APBA2: variants seen among roughly 807,000 people sequenced by gnomAD.
APBA2 encodes the protein amyloid-beta A4 precursor protein-binding family A member 2.
Under a neutral mutation model 75.0 loss-of-function variants are expected in APBA2, and 30 were observed. That is an observed-to-expected ratio of 0.40 (90% confidence interval 0.30 to 0.54). APBA2 has a LOEUF of 0.54. APBA2 is among the 20% of genes least tolerant of loss of function. The probability of loss-of-function intolerance (pLI) is 0.49; values close to 1 mark genes in which losing one functional copy is unlikely to be tolerated. For missense variants in APBA2, 801 were observed against 1,016.1 expected (o/e 0.79, Z 2.88); for synonymous variants, 444 against 409.6 (o/e 1.08, Z -1.01).
chr15:28,893,433 C>CGATTT (rs2032265862), intron 1 of APBA2, among the ~76,000 whole-genome samples: 1 of 152,140 alleles, frequency 6.6e-6, no homozygotes, highest in South Asian at 2.1e-4. Context: ...ATGAATGGAC[C>CGATTT]GATTTTGGCC....
At chr15:29,031,853 ACT>A (rs1448464927) in intron 3 of APBA2, among the ~76,000 whole-genome samples, 2 of 152,184 alleles carry the variant, frequency 1.3e-5, no homozygotes, top group Non-Finnish European at 2.9e-5. Context: ...CCAAGTCCCC[ACT>A]CAACCCAGGA....
chr15:29,099,029 C>G (rs1331938250), intron 9 of APBA2, among the ~76,000 whole-genome samples: 1 of 152,162 alleles, frequency 6.6e-6, no homozygotes, highest in African/African-American at 2.4e-5. Flanking sequence ...CACCTTGTCC[C>G]ACTGATCTTT....
intron 8 of APBA2, among the ~76,000 whole-genome samples, chr15:29,097,662 TG>T (rs2043916700): frequency 6.6e-6 from 1 of 152,260 alleles, no homozygotes; most frequent in Admixed American, 6.5e-5. Context: ...TTTTAATTTT[TG>T]TAATGAGAAC....
chr15:29,054,525 G>T lies in APBA2; in HGVS notation c.641G>T (p.Arg214Leu), dbSNP rs201991863. ...NTGASPYRLR[R>L]GDGDLEDQEE... ...GGCGCCTCCCCCTACCGCCTGAGGC[G>T]TGGGGATGGGGACCTGGAGGACCAG... The change falls in exon 4 of 15, where the codon CGT becomes CTT. Residue 214 changes from arginine to leucine, a missense_variant. Transcript: ENST00000683413. The surrounding 1 kb of genome is among the most constrained non-coding windows in gnomAD (Gnocchi z 6.1). The T allele has an allele frequency of 1.2e-6, 2 of 1,613,356 alleles. No individual in the cohort carries two copies. The highest frequency in any genetic ancestry group is 1.3e-5 in the African/African-American group (1 of 74,944).
chr15:28,941,442 A>G (rs975048384), intron 2 of APBA2, among the ~76,000 whole-genome samples: 1 of 151,988 alleles, frequency 6.6e-6, no homozygotes, highest in Admixed American at 6.6e-5. Context: ...CTGGCCATCA[A>G]AAGCCAAACC....
At chr15:28,939,367 A>G (rs2152701837) in intron 2 of APBA2, among the ~76,000 whole-genome samples, 1 of 152,258 alleles carries the variant, frequency 6.6e-6, no homozygotes, top group East Asian at 1.9e-4. Flanking sequence ...CTTTTGGGAT[A>G]TACCCAGAAG....
At chr15:29,028,303 C>G (rs368531546) in intron 3 of APBA2, among the ~76,000 whole-genome samples, 6 of 152,242 alleles carry the variant, frequency 3.9e-5, no homozygotes, top group Admixed American at 1.3e-4. Flanking sequence ...GCTTCCAGTT[C>G]CATCCATGTT....
intron 2 of APBA2, among the ~76,000 whole-genome samples, chr15:28,984,808 C>T (rs529847286): frequency 7.3e-5 from 11 of 150,676 alleles, no homozygotes; most frequent in African/African-American, 2.7e-4. Context: ...CTCGCTCTCT[C>T]TCCCCCCTCC....
At chr15:28,895,037 A>G (rs2032384837) in intron 1 of APBA2, among the ~76,000 whole-genome samples, 1 of 152,152 alleles carries the variant, frequency 6.6e-6, no homozygotes, top group African/African-American at 2.4e-5. Flanking sequence ...AGGACGTTTA[A>G]TTTTACCCTT....
intron 3 of APBA2, among the ~76,000 whole-genome samples, chr15:29,038,640 A>G (rs1434697702): frequency 7.9e-6 from 1 of 126,482 alleles, no homozygotes; most frequent in Non-Finnish European, 1.7e-5. Context: ...CCCACTTCCT[A>G]TTTGGCTCTG....
intron 2 of APBA2, among the ~76,000 whole-genome samples, chr15:28,960,572 G>C (rs1023203273): frequency 6.6e-6 from 1 of 151,930 alleles, no homozygotes; most frequent in Non-Finnish European, 1.5e-5. Flanking sequence ...GGTGGTCTGC[G>C]GGGGGCAGAT....
intron 2 of APBA2, among the ~76,000 whole-genome samples, chr15:28,987,848 C>T (rs2038012668): frequency 6.7e-6 from 1 of 150,178 alleles, no homozygotes; most frequent in Non-Finnish European, 1.5e-5. Context: ...CCTCCGCCTG[C>T]CAGGTTCAAG....
At chr15:29,107,066 T>C (rs757036119) in intron 12 of APBA2, among the ~76,000 whole-genome samples, 9 of 152,310 alleles carry the variant, frequency 5.9e-5, no homozygotes, top group Non-Finnish European at 1.0e-4. Flanking sequence ...GTCTGAGCCC[T>C]GTACCGAGCC....
chr15:28,963,461 T>A (rs1209015706), intron 2 of APBA2, among the ~76,000 whole-genome samples: 1 of 152,172 alleles, frequency 6.6e-6, no homozygotes, highest in Non-Finnish European at 1.5e-5. Context: ...AGTGGAGGAC[T>A]GATGAGAACC....
At chr15:29,061,480 C>G (rs2042126828) in intron 4 of APBA2, among the ~76,000 whole-genome samples, 1 of 152,132 alleles carries the variant, frequency 6.6e-6, no homozygotes, top group African/African-American at 2.4e-5. Context: ...TCTGTTTATC[C>G]CTGACCCAGC....
intron 8 of APBA2, among the ~76,000 whole-genome samples, chr15:29,097,406 G>A (rs2043901949): frequency 6.6e-6 from 1 of 152,210 alleles, no homozygotes. Context: ...AGACTGCCTC[G>A]AGAACTCACA....
At chr15:28,963,406 C>T (rs1438064017) in intron 2 of APBA2, among the ~76,000 whole-genome samples, 1 of 152,192 alleles carries the variant, frequency 6.6e-6, no homozygotes, top group Non-Finnish European at 1.5e-5. Flanking sequence ...AGGACCTTGC[C>T]TGAAAGATGT....
At chr15:28,938,101 G>A (rs2034982729) in intron 2 of APBA2, among the ~76,000 whole-genome samples, 1 of 152,186 alleles carries the variant, frequency 6.6e-6, no homozygotes. Context: ...TCAGGGATTT[G>A]GACTTAGTTA....
chr15:29,000,244 A>G (rs1006100921), intron 3 of APBA2, among the ~76,000 whole-genome samples: 1 of 152,240 alleles, frequency 6.6e-6, no homozygotes, highest in Non-Finnish European at 1.5e-5. Flanking sequence ...TTTTCTAAAA[A>G]TATGAACCAG....
Sources: allele counts gnomAD v4.1 joint callset (sites outside exome capture counted in the v4.1 genomes callset), GRCh38; gene constraint gnomAD v4.1.1; non-coding constraint Gnocchi (gnomAD v3.1); transcripts MANE v1.5; gene names NCBI Gene and HGNC (gene_info 2026-07-23, HGNC 2026-07-21).